Variants in NTM observed in about 807,000 individuals in gnomAD.
NTM encodes neurotrimin.
Under a neutral mutation model 42.1 loss-of-function variants are expected in NTM, and 13 were observed. The observed-to-expected ratio is 0.31, with a 90% CI of 0.20 to 0.49. NTM has a LOEUF of 0.49. Ranked by LOEUF, NTM falls within the 20% of genes least tolerant of loss-of-function variation. The pLI, the probability that NTM is intolerant of heterozygous loss-of-function variation, is 0.99. For synonymous variants in NTM, 187 were observed against 179.2 expected (o/e 1.04, Z -0.35); for missense variants, 373 against 452.8 (o/e 0.82, Z 1.60).
At chr11:132,008,135 G>T (rs558269029) in intron 2 of NTM, among the ~76,000 whole-genome samples, 3 of 152,160 alleles carry the variant, frequency 2.0e-5, no homozygotes, top group South Asian at 4.1e-4. Context: ...GGGAATTGGG[G>T]TTAGCTCTTG....
chr11:131,671,886 A>T (rs898675006), intron 1 of NTM, among the ~76,000 whole-genome samples: 42 of 151,690 alleles, frequency 2.8e-4, no homozygotes, highest in Admixed American at 1.3e-4. Flanking sequence ...GGGGCTCCAA[A>T]CCTTGGACAG....
rs574435512 is a variant in NTM at position 132,322,376 on chromosome 11, A to G, written c.934+7673A>G. Among the ~76,000 whole-genome samples, 22 of 149,394 alleles carry G rather than the reference A, an allele frequency of 1.5e-4. No individual in the cohort carries two copies. In the Middle Eastern group the frequency reaches 0.01, roughly 69 times the overall value. On this transcript the variant is annotated intron_variant, in intron 7 of 8. Transcript: ENST00000683400. ...AAAAGAAAAAAAGGCAGGGGTTGCAATCCTAGTCTCTGATAAAACAGACTT... is the reference window on the plus strand; with the variant it reads ...AAAAGAAAAAAAGGCAGGGGTTGCAGTCCTAGTCTCTGATAAAACAGACTT...
intron 5 of NTM, 42 bp from the exon 6 acceptor site, chr11:132,310,070 A>T (rs765526583): frequency 6.5e-7 from 1 of 1,532,100 alleles, no homozygotes; most frequent in Non-Finnish European, 8.7e-7. Context: ...AAAAAAAAAA[A>T]AAAAGGTGGG....
chr11:132,178,023 G>A (rs778835464), intron 3 of NTM, among the ~76,000 whole-genome samples: 1 of 152,172 alleles, frequency 6.6e-6, no homozygotes, highest in Non-Finnish European at 1.5e-5. Flanking sequence ...GAGTAATTCA[G>A]GAGTTTTGCT....
intron 1 of NTM, among the ~76,000 whole-genome samples, chr11:131,895,129 A>G (rs958526993): frequency 6.6e-6 from 1 of 152,234 alleles, no homozygotes; most frequent in Admixed American, 6.5e-5. Flanking sequence ...ATTAGGTTTT[A>G]AGAGGTGGAA....
intron 1 of NTM, among the ~76,000 whole-genome samples, chr11:131,607,630 G>C (rs1022692482): frequency 2.0e-5 from 3 of 152,148 alleles, no homozygotes; most frequent in Admixed American, 6.5e-5. Flanking sequence ...ATGAACACTA[G>C]TTGCAAAATG....
chr11:132,196,963 G>A (rs2080323711), intron 3 of NTM, among the ~76,000 whole-genome samples: 2 of 152,144 alleles, frequency 1.3e-5, no homozygotes, highest in African/African-American at 4.8e-5. Flanking sequence ...AAAATAAAAA[G>A]CATCGAATCC....
chr11:131,640,443 C>T (rs2064995297), intron 1 of NTM, among the ~76,000 whole-genome samples: 1 of 152,208 alleles, frequency 6.6e-6, no homozygotes, highest in African/African-American at 2.4e-5. Flanking sequence ...CAGAGGCTTC[C>T]TGCAGGCTCT....
At chr11:131,586,476 T>A (rs2058873159) in intron 1 of NTM, among the ~76,000 whole-genome samples, 2 of 152,192 alleles carry the variant, frequency 1.3e-5, no homozygotes, top group Admixed American at 1.3e-4. Flanking sequence ...GAGGAAGCCC[T>A]GTGCAGAGAC....
Position 132,274,656 on chromosome 11 carries a change from A to G in NTM, c.527-33033A>G, listed in dbSNP as rs79489679. 2.1e-3 allele frequency among the ~76,000 whole-genome samples: 316 copies of G among 152,270 alleles called. 4 individuals are homozygous for G. In the East Asian group the frequency reaches 0.029, roughly 14 times the overall value. On this transcript the variant is annotated intron_variant, in intron 4 of 8. Coordinates refer to ENST00000683400, the MANE Select transcript of NTM (RefSeq NM_001352005.2). ...ATACTTTCTATGATTTCAGTCTTTC[A>G]AAATTTATTGGAACTTGCTTTATAG...
intron 1 of NTM, among the ~76,000 whole-genome samples, chr11:131,720,233 A>G (rs375206530): frequency 1.4e-4 from 22 of 152,368 alleles, no homozygotes; most frequent in Middle Eastern, 3.4e-3. Flanking sequence ...TAACAAGCAT[A>G]TATGATAAAA....
At chr11:131,911,020 A>C (rs61901711) in intron 1 of NTM, 128,703 of 1,021,046 alleles carry the variant, frequency 0.13, 8,453 homozygotes, top group Middle Eastern at 0.14. Flanking sequence ...AAAGTGTTGG[A>C]TGTCCCCCGT....
At chr11:132,005,680 T>A (rs1156806265) in intron 2 of NTM, among the ~76,000 whole-genome samples, 3 of 152,182 alleles carry the variant, frequency 2.0e-5, no homozygotes, top group African/African-American at 7.2e-5. Context: ...ATGCTAATTG[T>A]GTGGTGTTGT....
intron 1 of NTM, among the ~76,000 whole-genome samples, chr11:131,504,434 G>A (rs1349815182): frequency 6.6e-6 from 1 of 152,144 alleles, no homozygotes; most frequent in Admixed American, 6.5e-5. Context: ...AAACCCCTTG[G>A]GGCTTGGCAG....
Position 132,144,535 on chromosome 11 carries a change from A to G in NTM, c.168-1747A>G, listed in dbSNP as rs547209467. Among the ~76,000 whole-genome samples the G allele has an allele frequency of 4.8e-4, 73 of 152,356 alleles. 2 individuals carry two copies. The highest frequency in any genetic ancestry group is 6.8e-3 in the Middle Eastern group (2 of 294). The stretch of plus-strand genomic sequence containing the variant: ...AAATGATATAAGTTGTCCTAGACAC[A>G]CTGCTCCATATTAGTGGTTTTGAAA... On this transcript the variant is annotated intron_variant, in intron 2 of 8. Transcript: ENST00000683400.
chr11:132,236,177 G>C (rs2088844904), intron 4 of NTM, among the ~76,000 whole-genome samples: 1 of 152,170 alleles, frequency 6.6e-6, no homozygotes, highest in African/African-American at 2.4e-5. Flanking sequence ...TACCAAGCCT[G>C]AGTGAAGTGC....
chr11:131,523,782 CAAAAAAA>C (rs3040114), intron 1 of NTM, among the ~76,000 whole-genome samples: 2,399 of 72,176 alleles, frequency 0.033, 71 homozygotes, highest in African/African-American at 0.11. Context: ...GACTCCATCT[CAAAAAAA>C]AAAAAAAAAA....
intron 1 of NTM, among the ~76,000 whole-genome samples, chr11:131,485,548 C>A (rs11601922): frequency 0.24 from 37,015 of 152,138 alleles, 5,407 homozygotes; most frequent in Non-Finnish European, 0.32. Flanking sequence ...TGGTCTTTGG[C>A]CACCAAGGCA....
intron 2 of NTM, among the ~76,000 whole-genome samples, chr11:131,937,619 T>G (rs1425798117): frequency 6.6e-6 from 1 of 152,226 alleles, no homozygotes; most frequent in African/African-American, 2.4e-5. Context: ...CTGGAATCAT[T>G]AAGCCTCTTC....
Sources: allele counts gnomAD v4.1 joint callset (sites outside exome capture counted in the v4.1 genomes callset), GRCh38; gene constraint gnomAD v4.1.1; transcripts MANE v1.5; gene names NCBI Gene and HGNC (gene_info 2026-07-23, HGNC 2026-07-21).